Variants in LRFN2 observed in about 807,000 individuals in gnomAD.
LRFN2 encodes leucine rich repeat and fibronectin type III domain containing 2.
LRFN2 carries 18 observed loss-of-function variants against 37.3 expected under a neutral mutation model. That is an observed-to-expected ratio of 0.48 (90% CI 0.33 to 0.72). LRFN2 has a LOEUF of 0.72. Ranked by LOEUF, LRFN2 falls within the 30% of genes least tolerant of loss-of-function variation. LRFN2 has a pLI of 0.02. For missense variants in LRFN2, 1,006 were observed against 1,060.7 expected, an observed-to-expected ratio of 0.95 and a Z score of 0.72; for synonymous variants, 556 against 466.6, an observed-to-expected ratio of 1.19 and a Z score of -2.47.
chr6:40,469,249 C>T (rs1427707321), intron 1 of LRFN2, among the ~76,000 whole-genome samples: 1 of 152,192 alleles, frequency 6.6e-6, no homozygotes, highest in Non-Finnish European at 1.5e-5. Flanking sequence ...TTCTCCCCTA[C>T]AGCCTTCAGA....
chr6:40,560,403 C>T (rs1388318298), intron 1 of LRFN2, among the ~76,000 whole-genome samples: 1 of 152,180 alleles, frequency 6.6e-6, no homozygotes, highest in African/African-American at 2.4e-5. Context: ...AGGCCAAAGA[C>T]CCAACATATT....
chr6:40,410,107 C>T (rs1024642668), intron 2 of LRFN2, among the ~76,000 whole-genome samples: 1 of 152,110 alleles, frequency 6.6e-6, no homozygotes, highest in Non-Finnish European at 1.5e-5. Context: ...CTCTGTCCAG[C>T]CAAGTGGAAG....
In LRFN2 at chr6:40,435,211, A is replaced by T. The variant is rs189494926; in HGVS notation, c.-18-2080T>A. 1.7e-3 allele frequency among the ~76,000 whole-genome samples: 259 copies of T among 150,066 alleles called. 1 individual carries two copies. The highest frequency in any genetic ancestry group is 6.0e-3 in the African/African-American group (247 of 40,940). On this transcript the variant is annotated intron_variant, in intron 1 of 2. Coordinates refer to ENST00000338305, the MANE Select transcript of LRFN2 (RefSeq NM_020737.3). ...ATTCTTGCTCTGTCACCCAGGCTGG[A>T]GTGCAGTGGCACAATCATAATTCAT...
At chr6:40,580,842 T>C (rs1445942357) in intron 1 of LRFN2, among the ~76,000 whole-genome samples, 1 of 152,214 alleles carries the variant, frequency 6.6e-6, no homozygotes, top group Non-Finnish European at 1.5e-5. Flanking sequence ...TGTACATGAA[T>C]GTGTGCATGT....
intron 1 of LRFN2, among the ~76,000 whole-genome samples, chr6:40,562,595 G>A (rs1393007288): frequency 6.6e-6 from 1 of 152,168 alleles, no homozygotes; most frequent in East Asian, 1.9e-4. Context: ...GAGCTCATGG[G>A]AGTTTCCCTC....
intron 1 of LRFN2, among the ~76,000 whole-genome samples, chr6:40,583,836 G>T (rs1767450699): frequency 6.6e-6 from 1 of 152,164 alleles, no homozygotes; most frequent in Non-Finnish European, 1.5e-5. Flanking sequence ...GGTCACCCTT[G>T]GGGGAGTGGG....
rs1763540475 is a variant in LRFN2, at chr6:40,432,838, C to T, written c.276G>A (p.Gln92=). ...TLSRNTISHI[Q]PFSFLDLESL... is the part of the protein sequence containing the mutation. ...TCTCGAGGTCCAGAAAGGAAAAGGG[C>T]TGGATGTGGCTGATGGTGTTCCTGG... Residue 92 remains glutamine (Q), a synonymous_variant, in exon 2 of 3, where the codon CAG becomes CAA. Transcript: ENST00000338305. The T allele has an allele frequency of 6.2e-7, 1 of 1,614,108 alleles. No homozygotes were observed.
chr6:40,523,735 A>G (rs1484773392), intron 1 of LRFN2: 2 of 152,158 alleles, frequency 1.3e-5, no homozygotes. Context: ...TGAAAGTTTA[A>G]GACACCCAAG....
chr6:40,449,929 T>C (rs565209497), intron 1 of LRFN2, among the ~76,000 whole-genome samples: 5 of 152,328 alleles, frequency 3.3e-5, no homozygotes, highest in African/African-American at 1.2e-4. Context: ...GTTTTGGTTT[T>C]ATTTTTTATC....
At chr6:40,455,206 G>A (rs1764207907) in intron 1 of LRFN2, among the ~76,000 whole-genome samples, 2 of 152,034 alleles carry the variant, frequency 1.3e-5, no homozygotes, top group African/African-American at 4.8e-5. Context: ...CTCTCACTTG[G>A]CTTATCACAG....
At chr6:40,412,987 A>C (rs1343918589) in intron 2 of LRFN2, among the ~76,000 whole-genome samples, 1 of 152,078 alleles carries the variant, frequency 6.6e-6, no homozygotes, top group Non-Finnish European at 1.5e-5. Flanking sequence ...ACATCCTAGG[A>C]ATCTAAGAAG....
chr6:40,480,575 A>G (rs756729083), intron 1 of LRFN2, among the ~76,000 whole-genome samples: 48 of 152,090 alleles, frequency 3.2e-4, no homozygotes, highest in South Asian at 6.2e-4. Context: ...ACCACACCCA[A>G]TGGAGTTCAG....
rs370059282 is a variant in LRFN2, at chr6:40,433,066, G to T, written c.48C>A (p.Ala16=). 1 of 1,542,976 alleles carries T rather than the reference G, an allele frequency of 6.5e-7. No individual in the cohort carries two copies. Among genetic ancestry groups the T allele is most frequent in the Admixed American group, 2.0e-5 (1 of 49,298 alleles). ...AGTACTTGGGGCAGGCGTCGACCAC[G>T]GCAAACGCCATGCCAAACGCTAGCA... is the stretch of plus-strand genomic sequence containing the variant. The part of the protein sequence containing the change: ...GGLLAFGMAF[A]VVDACPKYCV... Residue 16 remains alanine, a synonymous_variant, in exon 2 of 3, where the codon GCC becomes GCA. Coordinates refer to ENST00000338305, the MANE Select transcript of LRFN2 (RefSeq NM_020737.3).
chr6:40,503,896 C>G (rs538775837), intron 1 of LRFN2, among the ~76,000 whole-genome samples: 21 of 151,926 alleles, frequency 1.4e-4, no homozygotes, highest in Non-Finnish European at 2.9e-4. Context: ...AGGAAAAGCC[C>G]CTGTGCTGGA....
chr6:40,473,452 TG>T (rs1328819083), intron 1 of LRFN2, among the ~76,000 whole-genome samples: 1 of 152,168 alleles, frequency 6.6e-6, no homozygotes, highest in East Asian at 1.9e-4. Flanking sequence ...TCCCAGTCAT[TG>T]GGGGAAATGG....
chr6:40,507,972 C>T (rs1378386356), intron 1 of LRFN2, among the ~76,000 whole-genome samples: 4 of 152,096 alleles, frequency 2.6e-5, no homozygotes, highest in Non-Finnish European at 5.9e-5. Context: ...GAGCCTCTGC[C>T]CCAGTGGAAA....
intron 1 of LRFN2, among the ~76,000 whole-genome samples, chr6:40,568,612 C>T (rs1022831986): frequency 1.3e-5 from 2 of 152,212 alleles, no homozygotes; most frequent in African/African-American, 4.8e-5. Flanking sequence ...CCTACTGTAT[C>T]CTCTGAGTCA....
chr6:40,558,498 G>A (rs1766931404), intron 1 of LRFN2, among the ~76,000 whole-genome samples: 1 of 152,150 alleles, frequency 6.6e-6, no homozygotes, highest in African/African-American at 2.4e-5. Context: ...GATTCAAACA[G>A]TCAGTGAGCT....
At chr6:40,413,832 C>A (rs888160520) in intron 2 of LRFN2, among the ~76,000 whole-genome samples, 12 of 152,134 alleles carry the variant, frequency 7.9e-5, no homozygotes, top group Non-Finnish European at 1.5e-4. Flanking sequence ...TCCTCTTGTT[C>A]CTCCTTATGT....
Sources: gnomAD v4.1 joint callset for allele counts (sites outside exome capture counted in the v4.1 genomes callset) on GRCh38, gnomAD v4.1.1 for gene constraint, MANE v1.5 for transcripts, NCBI Gene and HGNC (gene_info 2026-07-23, HGNC 2026-07-21) for gene names.